Variants in OR2L13 observed in about 807,000 individuals in gnomAD.
OR2L13 encodes olfactory receptor family 2 subfamily L member 13.
OR2L13 carries 14 observed loss-of-function variants against 15.3 expected under a neutral mutation model. The observed-to-expected ratio is 0.91, with a 90% CI of 0.60 to 1.43. The LOEUF (loss-of-function observed/expected upper bound fraction) is 1.43. Among genes scored for constraint, OR2L13 ranks in the 40% most tolerant of loss-of-function variants. The probability of loss-of-function intolerance (pLI) is 0.00; values close to 1 mark genes in which losing one functional copy is unlikely to be tolerated. For synonymous variants in OR2L13, 152 were observed against 142.9 expected (o/e 1.06, Z -0.45); for missense variants, 367 against 387.9 (o/e 0.95, Z 0.45).
the OR2L13 span, among the ~76,000 whole-genome samples, chr1:248,048,877 A>G: frequency 2.0e-5 from 3 of 150,700 alleles, no homozygotes; most frequent in Non-Finnish European, 2.9e-5. Flanking sequence ...AGCAAAGCCA[A>G]CTTGTGCCCC....
the OR2L13 span, among the ~76,000 whole-genome samples, chr1:248,064,202 TG>T: frequency 6.6e-6 from 1 of 152,290 alleles, no homozygotes; most frequent in African/African-American, 2.4e-5. Flanking sequence ...TATTAGGAGT[TG>T]GGGCCTTTTG....
the OR2L13 span, among the ~76,000 whole-genome samples, chr1:248,068,124 G>A: frequency 6.6e-6 from 1 of 152,174 alleles, no homozygotes; most frequent in Non-Finnish European, 1.5e-5. Context: ...GTCCCTGTCT[G>A]ACAGCTTTGA....
At chr1:248,038,224 T>C in the OR2L13 span, 2 of 1,347,280 alleles carry the variant, frequency 1.5e-6, no homozygotes, top group South Asian at 2.7e-5. Context: ...CTGTTCTTAA[T>C]TTACCCTTTT....
the OR2L13 span, chr1:248,003,485 T>C: frequency 6.2e-7 from 1 of 1,610,120 alleles, no homozygotes; most frequent in Non-Finnish European, 8.5e-7. Context: ...ATCAATGGCC[T>C]ATGTTCGTTG....
the OR2L13 span, among the ~76,000 whole-genome samples, chr1:248,016,714 A>G: frequency 6.6e-6 from 1 of 151,882 alleles, no homozygotes; most frequent in African/African-American, 2.4e-5. Flanking sequence ...ATATAAATGT[A>G]TATTTATATA....
the OR2L13 span, among the ~76,000 whole-genome samples, chr1:248,017,393 A>G: frequency 6.6e-6 from 1 of 152,190 alleles, no homozygotes; most frequent in Non-Finnish European, 1.5e-5. Flanking sequence ...TAGAATTAGA[A>G]CCCTGAAACA....
the OR2L13 span, chr1:247,990,174 C>G: frequency 1.8e-6 from 1 of 552,558 alleles, no homozygotes; most frequent in South Asian, 2.0e-5. Flanking sequence ...CATTCACTGG[C>G]GGGCTTGAAA....
the OR2L13 span, among the ~76,000 whole-genome samples, chr1:247,942,057 A>G: frequency 6.6e-6 from 1 of 152,160 alleles, no homozygotes; most frequent in Non-Finnish European, 1.5e-5. Context: ...CAAAAAAACT[A>G]CATGATCTCA....
chr1:248,011,147 G>A, the OR2L13 span, among the ~76,000 whole-genome samples: 1 of 152,108 alleles, frequency 6.6e-6, no homozygotes, highest in East Asian at 1.9e-4. Context: ...GGTAGGCCTG[G>A]TGGTGACAAA....
chr1:248,037,610 T>A, the OR2L13 span, among the ~76,000 whole-genome samples: 25,875 of 152,188 alleles, frequency 0.17, 2,407 homozygotes, highest in East Asian at 0.32. Context: ...AAAATAATTT[T>A]TTTCTAAATA....
the OR2L13 span, among the ~76,000 whole-genome samples, chr1:247,960,266 A>G: frequency 6.6e-6 from 1 of 152,198 alleles, no homozygotes; most frequent in Non-Finnish European, 1.5e-5. Context: ...ATATTGGTGA[A>G]CAGCAAGTGT....
At chr1:248,086,605 T>C in the OR2L13 span, among the ~76,000 whole-genome samples, 1 of 152,016 alleles carries the variant, frequency 6.6e-6, no homozygotes, top group Non-Finnish European at 1.5e-5. Flanking sequence ...TAAAGGATTT[T>C]TTGGTGTTTT....
At chr1:248,083,242 C>T in the OR2L13 span, among the ~76,000 whole-genome samples, 2 of 152,074 alleles carry the variant, frequency 1.3e-5, no homozygotes, top group African/African-American at 2.4e-5. Context: ...ACTCAAAATA[C>T]GTTATTGAAC....
chr1:248,094,827 T>C (rs577422484), upstream of OR2L13, among the ~76,000 whole-genome samples: 2 of 152,322 alleles, frequency 1.3e-5, no homozygotes, highest in East Asian at 3.9e-4. Context: ...CTGAGTCGAG[T>C]ACTTGTAAGT....
At chr1:247,979,272 A>G in the OR2L13 span, among the ~76,000 whole-genome samples, 1 of 151,924 alleles carries the variant, frequency 6.6e-6, no homozygotes, top group Non-Finnish European at 1.5e-5. Flanking sequence ...TCAACTTGTC[A>G]TTTACATTAG....
At chr1:248,086,034 A>G in the OR2L13 span, among the ~76,000 whole-genome samples, 31 of 151,816 alleles carry the variant, frequency 2.0e-4, 1 homozygote, top group African/African-American at 7.0e-4. Flanking sequence ...CTAAAAAAAA[A>G]TTACATGAGT....
the OR2L13 span, chr1:247,949,730 G>T: frequency 6.2e-7 from 1 of 1,613,778 alleles, no homozygotes; most frequent in Non-Finnish European, 8.5e-7. Context: ...TCTATAGCCT[G>T]AGGAACAAGG....
chr1:247,991,282 AT>A, the OR2L13 span: 2 of 886,734 alleles, frequency 2.3e-6, no homozygotes, highest in Non-Finnish European at 1.7e-6. Context: ...GGAAAATATT[AT>A]TACATGCCCA....
chr1:248,061,708 T>A, the OR2L13 span: 1 of 1,235,796 alleles, frequency 8.1e-7, no homozygotes, highest in Non-Finnish European at 1.1e-6. Context: ...ATCCTAGAGT[T>A]CAGGAGCTAA....
Sources: gnomAD v4.1 joint callset for allele counts (sites outside exome capture counted in the v4.1 genomes callset) on GRCh38, gnomAD v4.1.1 for gene constraint, MANE v1.5 for transcripts, NCBI Gene and HGNC (gene_info 2026-07-23, HGNC 2026-07-21) for gene names.